RNFT2: variants seen among roughly 807,000 people sequenced by gnomAD.
The protein encoded by RNFT2 is ring finger protein, transmembrane 2.
RNFT2 carries 36 observed loss-of-function variants against 53.0 expected under a neutral mutation model. The observed-to-expected ratio is 0.68, with a 90% CI of 0.52 to 0.90. The LOEUF (loss-of-function observed/expected upper bound fraction) is 0.90. Among genes scored for constraint, RNFT2 ranks in the 40% least tolerant of loss-of-function variants. RNFT2 has a pLI of 0.00. For missense variants in RNFT2, 514 were observed against 585.6 expected (o/e 0.88, Z 1.26); for synonymous variants, 260 against 253.2 (o/e 1.03, Z -0.26).
chr12:116,824,673 G>A (rs1298416666), intron 7 of RNFT2, among the ~76,000 whole-genome samples: 2 of 152,162 alleles, frequency 1.3e-5, no homozygotes, highest in Non-Finnish European at 2.9e-5. Context: ...TGTGTTCATG[G>A]TGAAGACCCT....
chr12:116,748,717 C>G (rs1383818745), intron 3 of RNFT2: 3 of 442,162 alleles, frequency 6.8e-6, no homozygotes, highest in Non-Finnish European at 1.4e-5. Flanking sequence ...TTGAAGACTG[C>G]AGAGCCAGCG....
chr12:116,739,909 A>G (rs1871520704), intron 1 of RNFT2, among the ~76,000 whole-genome samples: 1 of 152,192 alleles, frequency 6.6e-6, no homozygotes, highest in Non-Finnish European at 1.5e-5. Flanking sequence ...ACAATACCTT[A>G]AGAGTTTCAA....
At chr12:116,837,132 G>A (rs1031854907) in intron 10 of RNFT2, among the ~76,000 whole-genome samples, 3 of 152,078 alleles carry the variant, frequency 2.0e-5, no homozygotes, top group African/African-American at 7.2e-5. Context: ...AGTGCTGGCC[G>A]GTTCCTTTTA....
chr12:116,849,260 C>T (rs1264910580), intron 10 of RNFT2, 54 bp from the exon 11 acceptor site: 21 of 1,431,372 alleles, frequency 1.5e-5, no homozygotes, highest in African/African-American at 2.8e-5. Flanking sequence ...CTCCCGAGAC[C>T]GAGGCAGACG....
intron 7 of RNFT2, among the ~76,000 whole-genome samples, chr12:116,818,350 C>T (rs1875806463): frequency 6.6e-6 from 1 of 151,086 alleles, no homozygotes; most frequent in Non-Finnish European, 1.5e-5. Flanking sequence ...GCTTTTTCGT[C>T]TGCAAACCTG....
At chr12:116,761,894 A>T (rs1872702931) in intron 5 of RNFT2, among the ~76,000 whole-genome samples, 1 of 152,036 alleles carries the variant, frequency 6.6e-6, no homozygotes, top group African/African-American at 2.4e-5. Flanking sequence ...AACCCATTGA[A>T]AGGATTGAAT....
chr12:116,762,246 G>T (rs547582998), intron 5 of RNFT2, among the ~76,000 whole-genome samples: 7 of 152,108 alleles, frequency 4.6e-5, no homozygotes, highest in African/African-American at 1.7e-4. Context: ...CAGCCATGGT[G>T]GCTCACACCT....
intron 7 of RNFT2, among the ~76,000 whole-genome samples, chr12:116,794,893 G>A (rs1380292523): frequency 6.6e-6 from 1 of 151,994 alleles, no homozygotes; most frequent in Non-Finnish European, 1.5e-5. Context: ...GGCAATGCTA[G>A]ATCCTGAGAA....
chr12:116,742,395 G>A (rs111482789), intron 3 of RNFT2, among the ~76,000 whole-genome samples: 3 of 150,956 alleles, frequency 2.0e-5, no homozygotes, highest in Non-Finnish European at 4.4e-5. Flanking sequence ...TCAGCCTTCC[G>A]AGTAGCTGGG....
Position 116,850,394 on chromosome 12 carries a change from GCTCAAGCAATCCTCCTGTCCTGGC to G in RNFT2, c.*950_*973del, listed in dbSNP as rs1377134442. ...GTCCAGGGTGTTCTCAAACTCCTGGGCTCAAGCAATCCTCCTGTCCTGGCCTCGCAAAGTGCTGAGTGCTGGAAT... is the reference window on the plus strand; with the variant it reads ...GTCCAGGGTGTTCTCAAACTCCTGGGCTCGCAAAGTGCTGAGTGCTGGAAT... On this transcript the variant is annotated 3_prime_UTR_variant, in exon 11 of 11. Transcript: ENST00000257575. The G allele has an allele frequency of 6.6e-6, 1 of 151,170 alleles. No homozygotes were observed. Among genetic ancestry groups the G allele is most frequent in the Non-Finnish European group, 1.5e-5 (1 of 67,954 alleles). 9.4% of individuals were successfully genotyped at this position (151,170 alleles called of 1,614,324 possible).
chr12:116,822,354 C>G (rs1048332892), intron 7 of RNFT2, among the ~76,000 whole-genome samples: 18 of 152,230 alleles, frequency 1.2e-4, no homozygotes, highest in Admixed American at 9.2e-4. Context: ...CTGTCTCTCT[C>G]TCTCTCTGTG....
In RNFT2 at chr12:116,852,719, A is replaced by T; in HGVS notation, c.*3271A>T. On this transcript the variant is annotated 3_prime_UTR_variant, in exon 11 of 11. Transcript: ENST00000257575. ...TGAAAGTGCAGGTGTGTAAGGAAAT[A>T]GAACAGTCTGCTGGGAGTCAGACCT... The T allele has an allele frequency of 6.2e-7, 1 of 1,613,262 alleles. No homozygotes were observed. The highest frequency in any genetic ancestry group is 1.1e-5 in the South Asian group (1 of 91,054).
intron 7 of RNFT2, among the ~76,000 whole-genome samples, chr12:116,811,438 C>T (rs573319998): frequency 9.3e-5 from 14 of 151,294 alleles, no homozygotes; most frequent in Non-Finnish European, 1.6e-4. Context: ...TGCAGTGGGG[C>T]CATCTCGGCT....
At chr12:116,753,148 C>CTTTTTTT (rs11377177) in intron 4 of RNFT2, among the ~76,000 whole-genome samples, 1,940 of 93,514 alleles carry the variant, frequency 0.021, 9 homozygotes, top group Middle Eastern at 0.03. Context: ...TTTTCTTTTT[C>CTTTTTTT]TTTTTTTTTT....
chr12:116,845,307 A>G (rs921136049), intron 10 of RNFT2, among the ~76,000 whole-genome samples: 5 of 150,966 alleles, frequency 3.3e-5, no homozygotes, highest in Non-Finnish European at 7.4e-5. Flanking sequence ...CTCTTAATCT[A>G]GTGAACAATC....
At chr12:116,802,740 A>C (rs1013839318) in intron 7 of RNFT2, among the ~76,000 whole-genome samples, 7 of 152,164 alleles carry the variant, frequency 4.6e-5, no homozygotes, top group African/African-American at 1.7e-4. Context: ...GGAGAGAATA[A>C]GTTTCTTTTG....
intron 7 of RNFT2, among the ~76,000 whole-genome samples, chr12:116,784,773 C>T (rs1160991152): frequency 2.0e-5 from 3 of 152,216 alleles, no homozygotes; most frequent in Non-Finnish European, 4.4e-5. Context: ...AGCCCATCCT[C>T]CTTCTATATC....
Position 116,849,481 on chromosome 12 carries a change from A to G in RNFT2, c.*33A>G. The stretch of plus-strand genomic sequence containing the variant: ...CACTGAGGACACCCAGAAGGACGCC[A>G]AGGGTCAGCATGCCCGGACCCAGCC... On this transcript the variant is annotated 3_prime_UTR_variant, in exon 11 of 11. Transcript: ENST00000257575. The G allele has an allele frequency of 6.4e-7, 1 of 1,560,340 alleles. No homozygotes were observed. The highest frequency in any genetic ancestry group is 8.7e-7 in the Non-Finnish European group (1 of 1,150,644).
intron 7 of RNFT2, among the ~76,000 whole-genome samples, chr12:116,793,698 G>A (rs891616211): frequency 1.3e-4 from 20 of 152,066 alleles, no homozygotes; most frequent in African/African-American, 4.1e-4. Flanking sequence ...TTTCCTGGAT[G>A]TTTCCATGGC....
Sources: allele counts gnomAD v4.1 joint callset (sites outside exome capture counted in the v4.1 genomes callset), GRCh38; gene constraint gnomAD v4.1.1; transcripts MANE v1.5; gene names NCBI Gene and HGNC (gene_info 2026-07-23, HGNC 2026-07-21).